Variants in KCNH1 observed in about 807,000 individuals in gnomAD.
KCNH1 encodes potassium voltage-gated channel subfamily H member 1, also known as voltage-gated delayed rectifier potassium channel KCNH1.
Under a neutral mutation model 69.2 loss-of-function variants are expected in KCNH1, and 27 were observed. The observed-to-expected ratio is 0.39, with a 90% confidence interval of 0.29 to 0.54. The LOEUF is 0.54. KCNH1 is among the 20% of genes least tolerant of loss of function. The pLI is 0.68. For synonymous variants in KCNH1, 456 were observed against 487.7 expected, an observed-to-expected ratio of 0.93 and a Z score of 0.86; for missense variants, 798 against 1,261.6, an observed-to-expected ratio of 0.63 and a Z score of 5.57.
At chr1:211,086,290 G>A (rs1384301262) in intron 4 of KCNH1, among the ~76,000 whole-genome samples, 1 of 152,084 alleles carries the variant, frequency 6.6e-6, no homozygotes, top group Non-Finnish European at 1.5e-5. Context: ...TCAGTTTCAG[G>A]GGATATTTCT....
At chr1:210,695,493 A>G (rs773351081) in intron 10 of KCNH1, among the ~76,000 whole-genome samples, 18 of 152,190 alleles carry the variant, frequency 1.2e-4, no homozygotes, top group Non-Finnish European at 7.3e-5. Flanking sequence ...GAGACTATCA[A>G]TATATTCACC....
At chr1:211,003,346 C>T (rs2102402471) in intron 6 of KCNH1, among the ~76,000 whole-genome samples, 1 of 152,254 alleles carries the variant, frequency 6.6e-6, no homozygotes, top group African/African-American at 2.4e-5. Context: ...AACAAGTCAC[C>T]ATAGGATGCC....
chr1:210,924,547 T>G (rs1006731750), intron 6 of KCNH1, among the ~76,000 whole-genome samples: 4 of 152,218 alleles, frequency 2.6e-5, no homozygotes, highest in Admixed American at 2.0e-4. Context: ...TTTTTTTTCC[T>G]TACTTGCCTG....
chr1:210,905,477 C>T (rs1216528282), intron 7 of KCNH1, among the ~76,000 whole-genome samples: 1 of 152,110 alleles, frequency 6.6e-6, no homozygotes, highest in African/African-American at 2.4e-5. Context: ...TCCAAATGGT[C>T]AATATAGACA....
chr1:210,810,057 C>T (rs1684669771), intron 7 of KCNH1, among the ~76,000 whole-genome samples: 1 of 152,110 alleles, frequency 6.6e-6, no homozygotes, highest in Non-Finnish European at 1.5e-5. Flanking sequence ...CTTCCTCTTC[C>T]TTGGTTTACC....
intron 6 of KCNH1, among the ~76,000 whole-genome samples, chr1:211,017,197 A>G (rs576155125): frequency 6.6e-6 from 1 of 152,262 alleles, no homozygotes; most frequent in African/African-American, 2.4e-5. Context: ...GCTACCCTTC[A>G]CTGGAAAGAG....
chr1:211,057,829 A>T (rs1690341764), intron 5 of KCNH1, among the ~76,000 whole-genome samples: 1 of 152,182 alleles, frequency 6.6e-6, no homozygotes, highest in South Asian at 2.1e-4. Context: ...GAACTTTCCA[A>T]ATCAAGAGAA....
intron 9 of KCNH1, among the ~76,000 whole-genome samples, chr1:210,790,998 T>C (rs1231969077): frequency 1.3e-5 from 2 of 152,132 alleles, no homozygotes; most frequent in East Asian, 3.9e-4. Context: ...CCTGACACTT[T>C]CCTTCCCTAG....
At chr1:210,961,924 T>C (rs1272630282) in intron 6 of KCNH1, among the ~76,000 whole-genome samples, 7 of 152,222 alleles carry the variant, frequency 4.6e-5, no homozygotes, top group African/African-American at 9.6e-5. Flanking sequence ...AGTTTTTCCA[T>C]GCTAGTTGAT....
rs147272682 is a variant in KCNH1 at position 211,076,769 on chromosome 1, T to G, written c.558+6011A>C. On this transcript the variant is annotated intron_variant, in intron 5 of 10. Transcript: ENST00000271751. The stretch of plus-strand genomic sequence containing the variant: ...TGGATGGAGAATGACTTTGATGAGC[T>G]GACAGAAGTAGGCTTCAGAAGGTCG... 6.1e-3 allele frequency among the ~76,000 whole-genome samples: 931 copies of G among 152,358 alleles called. 3 individuals are homozygous for G. Among genetic ancestry groups the G allele is most frequent in the Non-Finnish European group, 0.01 (707 of 68,038 alleles).
Position 210,683,556 on chromosome 1 carries a change from T to C in KCNH1, c.2695A>G (p.Ser899Gly), listed in dbSNP as rs752044489. The change falls in exon 11 of 11, where the codon AGT (serine) becomes GGT (glycine). Residue 899 changes from serine to glycine, a missense_variant. By Grantham distance (56) the Ser-to-Gly change is moderately conservative (BLOSUM62 0). Around this residue, in one of 4 missense-constraint regions of KCNH1, gnomAD observed 331 missense variants for 363.2 expected, o/e 0.91. Transcript: ENST00000271751. This position sits in a 1 kb window ranked among gnomAD's most constrained non-coding sequence, Gnocchi z 5.7. ...LRLDNVGEARSPQDRSPILAE... is the reference protein window; with the variant it reads ...LRLDNVGEARGPQDRSPILAE... ...AGGATGGGACTCCGATCCTGGGGAC[T>C]CCTGGCCTCACCCACGTTGTCCAGG... 3.7e-6 allele frequency: 6 copies of C among 1,614,148 alleles called. No homozygotes were observed. Among genetic ancestry groups the C allele is most frequent in the Non-Finnish European group, 3.4e-6 (4 of 1,180,034 alleles).
At chr1:210,917,221 GAGAGAGAGAGAA>G (rs1434882252) in intron 7 of KCNH1, among the ~76,000 whole-genome samples, 331 of 110,052 alleles carry the variant, frequency 3.0e-3, no homozygotes, top group African/African-American at 4.1e-3. Context: ...GAGAGAGAGA[GAGAGAGAGAGAA>G]AGAAAGAAAG....
chr1:211,018,645 T>C, intron 6 of KCNH1, 138 bp downstream of exon 6: 1 of 713,308 alleles, frequency 1.4e-6, no homozygotes, highest in East Asian at 2.7e-5. Context: ...CAGGCAAGGG[T>C]ATCTATCAAG....
chr1:210,904,427 T>C (rs1056842850), intron 7 of KCNH1, among the ~76,000 whole-genome samples: 1 of 151,586 alleles, frequency 6.6e-6, no homozygotes, highest in African/African-American at 2.4e-5. Context: ...GGAGAGTTAA[T>C]ATACTCAGTG....
intron 10 of KCNH1, among the ~76,000 whole-genome samples, chr1:210,724,106 T>C (rs866859121): frequency 1.3e-5 from 2 of 152,192 alleles, no homozygotes. Flanking sequence ...GATTTTATCC[T>C]CACAATATGT....
At chr1:210,826,872 C>T (rs1298151973) in intron 7 of KCNH1, among the ~76,000 whole-genome samples, 1 of 152,242 alleles carries the variant, frequency 6.6e-6, no homozygotes, top group Non-Finnish European at 1.5e-5. Context: ...TGTGCAAGCA[C>T]AGAGCCTGGG....
chr1:210,990,061 G>T (rs1267343737), intron 6 of KCNH1, among the ~76,000 whole-genome samples: 1 of 152,124 alleles, frequency 6.6e-6, no homozygotes, highest in East Asian at 1.9e-4. Flanking sequence ...TGACCCTTCA[G>T]GGTACATATC....
At chr1:211,121,416 AC>A (rs1430589279) in intron 1 of KCNH1, among the ~76,000 whole-genome samples, 1 of 152,218 alleles carries the variant, frequency 6.6e-6, no homozygotes, top group Non-Finnish European at 1.5e-5. Flanking sequence ...CCTGAAAAAA[AC>A]AAGCAATGAG....
chr1:210,945,531 C>G (rs868197467), intron 6 of KCNH1, among the ~76,000 whole-genome samples: 1 of 152,218 alleles, frequency 6.6e-6, no homozygotes, highest in Non-Finnish European at 1.5e-5. Context: ...GGAACAGTTA[C>G]AATAAATGGG....
Sources: allele counts gnomAD v4.1 joint callset (sites outside exome capture counted in the v4.1 genomes callset), GRCh38; gene constraint gnomAD v4.1.1; regional missense constraint gnomAD v4.1.1; non-coding constraint Gnocchi (gnomAD v3.1); transcripts MANE v1.5; gene names NCBI Gene and HGNC (gene_info 2026-07-23, HGNC 2026-07-21).